The following HYDIN variants were observed in gnomAD, a reference collection of about 807,000 sequenced individuals.
HYDIN encodes HYDIN axonemal central pair apparatus protein, also known as axonemal central pair apparatus protein HYDIN.
In HYDIN, 132 loss-of-function variants were observed where a neutral mutation model predicts 403.9. The observed-to-expected ratio is 0.33, with a 90% CI of 0.28 to 0.38. HYDIN has a LOEUF of 0.38. Ranked by LOEUF, HYDIN falls within the 10% of genes least tolerant of loss-of-function variation. The pLI is 1.00. For missense variants in HYDIN, 2,827 were observed against 5,009.5 expected (o/e 0.56, Z 13.15); for synonymous variants, 1,202 against 1,891.7 (o/e 0.64, Z 9.46).
In HYDIN at chr16:71,172,713, T is replaced by C. The variant is rs141302807; in HGVS notation, c.516+2894A>G. The stretch of plus-strand genomic sequence containing the variant: ...TATACATGGGTACTGAAAATCCAAT[T>C]GAAAGAGGGCTGGCTTAACTGTGGC... On this transcript the variant is annotated intron_variant, in intron 5 of 85. Coordinates refer to ENST00000393567, the MANE Select transcript of HYDIN (RefSeq NM_001270974.2). Among the ~76,000 whole-genome samples, 492 of 152,184 alleles carry C rather than the reference T, an allele frequency of 3.2e-3. 5 individuals are homozygous for C. The highest frequency in any genetic ancestry group is 0.012 in the African/African-American group (478 of 41,508).
intron 1 of HYDIN, among the ~76,000 whole-genome samples, chr16:71,209,362 C>G (rs948654897): frequency 6.6e-6 from 1 of 151,340 alleles, no homozygotes; most frequent in Non-Finnish European, 1.5e-5. Context: ...TGTTGAAAAC[C>G]ATCACTAAAC....
intron 7 of HYDIN, among the ~76,000 whole-genome samples, chr16:71,151,510 G>A (rs947142889): frequency 5.3e-5 from 8 of 151,856 alleles, no homozygotes; most frequent in Non-Finnish European, 8.8e-5. Flanking sequence ...GTTCTTTCCT[G>A]AGCCCTGCAT....
intron 10 of HYDIN, among the ~76,000 whole-genome samples, chr16:71,106,557 T>A (rs900585007): frequency 7.9e-5 from 12 of 152,266 alleles, no homozygotes; most frequent in African/African-American, 2.9e-4. Context: ...TGCCTAGATA[T>A]CAAAAGCTTT....
intron 52 of HYDIN, 128 bp from the exon 53 acceptor site, chr16:70,901,330 G>A (rs2076372120): frequency 1.6e-6 from 1 of 606,906 alleles, no homozygotes; most frequent in South Asian, 1.9e-5. Flanking sequence ...CACATGTCAT[G>A]GGGGTTTGCT....
intron 23 of HYDIN, among the ~76,000 whole-genome samples, chr16:70,994,401 A>C (rs1190492458): frequency 1.3e-5 from 2 of 152,080 alleles, no homozygotes; most frequent in East Asian, 1.9e-4. Flanking sequence ...TGGGATAAAG[A>C]GTGGCGATGG....
At chr16:71,121,504 G>A (rs112312149) in intron 9 of HYDIN, among the ~76,000 whole-genome samples, 7,249 of 147,358 alleles carry the variant, frequency 0.049, 645 homozygotes, top group African/African-American at 0.17. Flanking sequence ...TCACAGCAGC[G>A]GGGGTGAATA....
At chr16:70,995,342 C>T (rs2079495587) in intron 23 of HYDIN, among the ~76,000 whole-genome samples, 1 of 152,136 alleles carries the variant, frequency 6.6e-6, no homozygotes, top group Non-Finnish European at 1.5e-5. Flanking sequence ...CGATACTGTT[C>T]CAATTCCAGA....
At chr16:71,227,246 T>C (rs2041076084) in intron 1 of HYDIN, among the ~76,000 whole-genome samples, 1 of 152,044 alleles carries the variant, frequency 6.6e-6, no homozygotes, top group African/African-American at 2.4e-5. Context: ...ACCAAAGATA[T>C]AATAACAAGT....
intron 21 of HYDIN, among the ~76,000 whole-genome samples, chr16:71,024,720 T>C (rs1313875714): frequency 1.4e-5 from 2 of 140,364 alleles, no homozygotes; most frequent in East Asian, 4.0e-4. Flanking sequence ...TTCACTATCC[T>C]GACCCCCCGC....
At position 70,837,681 on chromosome 16, in the gene HYDIN, G is replaced by A. The variant is rs367653645; in HGVS notation, c.13242+9C>T. On this transcript the variant is annotated intron_variant, in intron 77 of 85. Transcript: ENST00000393567. ...TGCCACGCCTGAAGGCCTCCCGACT[G>A]TCTGTTACCTTCATTTTGGTACCCT... The A allele has an allele frequency of 1.2e-5, 19 of 1,613,666 alleles. No individual in the cohort carries two copies. The highest frequency in any genetic ancestry group is 3.3e-4 in the Middle Eastern group (2 of 6,078).
chr16:70,947,511 T>G (rs1468810994), intron 41 of HYDIN, among the ~76,000 whole-genome samples: 1 of 151,468 alleles, frequency 6.6e-6, no homozygotes. Context: ...CTTTTTTGGT[T>G]GTGTCTCTGC....
At chr16:71,017,341 ACT>A (rs1326117574) in intron 23 of HYDIN, among the ~76,000 whole-genome samples, 1 of 112,936 alleles carries the variant, frequency 8.9e-6, no homozygotes, top group East Asian at 2.8e-4. Flanking sequence ...CAAGAGCGAA[ACT>A]CTGTCTCAAA....
chr16:70,833,791 A>C (rs2037177021), intron 79 of HYDIN, 96 bp downstream of exon 79: 2 of 790,164 alleles, frequency 2.5e-6, no homozygotes, highest in Middle Eastern at 3.6e-4. Flanking sequence ...AGAGGACAGA[A>C]GTAAAAAGTG....
Position 70,804,415 on chromosome 16 carries a change from G to C in HYDIN, c.*3165C>G, listed in dbSNP as rs576463853. On this transcript the variant is annotated 3_prime_UTR_variant, in exon 86 of 86. Coordinates refer to ENST00000393567, the MANE Select transcript of HYDIN (RefSeq NM_001270974.2). The stretch of plus-strand genomic sequence containing the variant: ...GAGGAGACCCTCAAATCCATCTCCC[G>C]GAAGAGTTCTGGACTGGGGTTTTTA... Among the ~76,000 whole-genome samples the C allele has an allele frequency of 6.6e-6, 1 of 152,194 alleles. No individual in the cohort carries two copies. Among genetic ancestry groups the C allele is most frequent in the Non-Finnish European group, 1.5e-5 (1 of 68,032 alleles).
rs200230993 is a variant in HYDIN, at chr16:70,922,367, G to C, written c.7159-1150C>G. Among the ~76,000 whole-genome samples, 15 of 152,356 alleles carry C rather than the reference G, an allele frequency of 9.8e-5. No homozygotes were observed. In the East Asian group the frequency reaches 2.1e-3, roughly 22 times the overall value. On this transcript the variant is annotated intron_variant, in intron 45 of 85. Coordinates refer to ENST00000393567, the MANE Select transcript of HYDIN (RefSeq NM_001270974.2). ...GTGGGAGCCCAGCGTAGAGCAGCTG[G>C]AGGCTAGCAGTAAACTATGAAGAAT...
At position 70,802,093 on chromosome 16, in the gene HYDIN, ACTTTT is replaced by A. The variant is rs1383722094; in HGVS notation, c.*5482_*5486del. 1.3e-5 allele frequency: 2 copies of A among 152,244 alleles called. No homozygotes were observed. The highest frequency in any genetic ancestry group is 6.5e-5 in the Admixed American group (1 of 15,288). The allele number at this position is 152,244 out of a possible 1,614,324, so 9.4% of individuals were successfully genotyped here. ...TAACAGTTTCAGAATGCATGGTGAT[ACTTTT>A]CTTTAATGAATGAAAAGTGCATATA... On this transcript the variant is annotated 3_prime_UTR_variant, in exon 86 of 86. Coordinates refer to ENST00000393567, the MANE Select transcript of HYDIN (RefSeq NM_001270974.2).
At chr16:70,910,210 T>C (rs1250092915) in intron 47 of HYDIN, among the ~76,000 whole-genome samples, 1 of 152,196 alleles carries the variant, frequency 6.6e-6, no homozygotes, top group Non-Finnish European at 1.5e-5. Context: ...CACTGCACCC[T>C]ATTTGTAGTC....
intron 80 of HYDIN, among the ~76,000 whole-genome samples, chr16:70,831,530 A>G (rs1211354119): frequency 8.4e-6 from 1 of 119,444 alleles, no homozygotes; most frequent in African/African-American, 4.6e-5. Flanking sequence ...AAAAAAAACC[A>G]AAAAAAAAAA....
intron 75 of HYDIN, among the ~76,000 whole-genome samples, chr16:70,849,023 C>G (rs1373393470): frequency 1.3e-5 from 2 of 152,008 alleles, no homozygotes; most frequent in Admixed American, 1.3e-4. Flanking sequence ...TAAAAGCTAT[C>G]CCTATGAGGG....
Sources: gnomAD v4.1 joint callset for allele counts (sites outside exome capture counted in the v4.1 genomes callset) on GRCh38, gnomAD v4.1.1 for gene constraint, MANE v1.5 for transcripts, NCBI Gene and HGNC (gene_info 2026-07-23, HGNC 2026-07-21) for gene names.